The following CENPQ variants were observed in gnomAD, a reference collection of about 807,000 sequenced individuals.
CENPQ encodes the protein chromosome 6 open reading frame 139.
CENPQ carries 27 observed loss-of-function variants against 36.6 expected under a neutral mutation model. That is an observed-to-expected ratio of 0.74 (90% CI 0.54 to 1.02). The LOEUF (loss-of-function observed/expected upper bound fraction) is 1.02, where lower values mean the gene tolerates loss of function less well. Ranked by LOEUF, CENPQ falls within the 50% of genes least tolerant of loss-of-function variation. CENPQ has a pLI of 0.00. For synonymous variants in CENPQ, 101 were observed against 101.7 expected, an observed-to-expected ratio of 0.99 and a Z score of 0.04; for missense variants, 306 against 301.8, an observed-to-expected ratio of 1.01 and a Z score of -0.10.
At position 49,492,325 on chromosome 6, in the gene CENPQ, T is replaced by C; in HGVS notation, c.*50T>C. 6.7e-7 allele frequency: 1 copy of C among 1,486,130 alleles called. No homozygotes were observed. The highest frequency in any genetic ancestry group is 1.3e-5 in the South Asian group (1 of 78,006). 92.1% of individuals were successfully genotyped at this position (1,486,130 alleles called of 1,614,324 possible). ...CCATATTAATTTAATGTTCGTGAAT[T>C]TGTAAAACTGTTAACCTATGATTAT... On this transcript the variant is annotated 3_prime_UTR_variant, in exon 9 of 9. Coordinates refer to ENST00000335783, the MANE Select transcript of CENPQ (RefSeq NM_018132.4).
chr6:49,492,475 T>C lies in CENPQ; in HGVS notation c.*200T>C, dbSNP rs1172418648. ...AAGACTGTTTTTAGCAGTTGCCAAA[T>C]CTAGGAAACTAACATTTATATTGCT... On this transcript the variant is annotated 3_prime_UTR_variant, in exon 9 of 9. Transcript: ENST00000335783. 4 of 448,010 alleles carry C rather than the reference T, an allele frequency of 8.9e-6. No homozygotes were observed. The East Asian group carries it at 1.6e-4, about 18-fold the overall frequency. 27.8% of individuals were successfully genotyped at this position (448,010 alleles called of 1,614,324 possible).
intron 5 of CENPQ, 77 bp downstream of exon 5, chr6:49,472,935 C>A: frequency 9.6e-7 from 1 of 1,046,178 alleles, no homozygotes. Flanking sequence ...GCCAAATAGA[C>A]ACTTGTGGAA....
At chr6:49,470,622 CAAA>C (rs1199878940) in intron 2 of CENPQ, among the ~76,000 whole-genome samples, 42 of 66,370 alleles carry the variant, frequency 6.3e-4, no homozygotes, top group Non-Finnish European at 1.4e-4. Flanking sequence ...GACTCCGTCT[CAAA>C]AAAAAAAAAA....
intron 5 of CENPQ, among the ~76,000 whole-genome samples, chr6:49,480,700 AG>A (rs1768405885): frequency 6.6e-6 from 1 of 152,112 alleles, no homozygotes; most frequent in South Asian, 2.1e-4. Flanking sequence ...CAAATGTGTA[AG>A]ATAGAAAATT....
At chr6:49,469,583 A>G (rs1472896430) in intron 1 of CENPQ, among the ~76,000 whole-genome samples, 1 of 152,072 alleles carries the variant, frequency 6.6e-6, no homozygotes, top group African/African-American at 2.4e-5. Flanking sequence ...ACATTTCTGT[A>G]CTCTTGTTAA....
intron 5 of CENPQ, among the ~76,000 whole-genome samples, chr6:49,479,174 G>A (rs1768370725): frequency 6.6e-6 from 1 of 152,054 alleles, no homozygotes; most frequent in African/African-American, 2.4e-5. Flanking sequence ...GATTTGTGGG[G>A]TTTTTGCTGC....
intron 1 of CENPQ, among the ~76,000 whole-genome samples, chr6:49,466,576 C>T (rs1218780495): frequency 6.6e-6 from 1 of 152,190 alleles, no homozygotes. Flanking sequence ...TCATATCTGT[C>T]TCTACCTGTG....
chr6:49,480,637 A>G (rs1334793394), intron 5 of CENPQ, among the ~76,000 whole-genome samples: 1 of 152,230 alleles, frequency 6.6e-6, no homozygotes, highest in Non-Finnish European at 1.5e-5. Flanking sequence ...AATAGTCTAG[A>G]AAACATCTGG....
chr6:49,463,802 A>G (rs1767926995), intron 1 of CENPQ, among the ~76,000 whole-genome samples: 1 of 152,152 alleles, frequency 6.6e-6, no homozygotes, highest in Admixed American at 6.5e-5. Context: ...TTGTGCCCAC[A>G]TAGAGGTCTA....
At chr6:49,482,834 C>T (rs1414444409) in intron 6 of CENPQ, among the ~76,000 whole-genome samples, 7 of 152,128 alleles carry the variant, frequency 4.6e-5, no homozygotes, top group Admixed American at 2.6e-4. Context: ...GCAGCGTTTC[C>T]GGAGTTTGTT....
At chr6:49,482,634 T>C (rs1338252519) in intron 6 of CENPQ, among the ~76,000 whole-genome samples, 2 of 144,102 alleles carry the variant, frequency 1.4e-5, no homozygotes, top group Non-Finnish European at 3.0e-5. Context: ...ATTTACTCAG[T>C]GATAGGCAAT....
chr6:49,491,214 CTGTT>C lies in CENPQ; in HGVS notation c.676-927_676-924del, dbSNP rs139024455. 2.8e-3 allele frequency among the ~76,000 whole-genome samples: 429 copies of C among 152,294 alleles called. 1 individual carries two copies. Among genetic ancestry groups the C allele is most frequent in the African/African-American group, 0.01 (418 of 41,562 alleles). On this transcript the variant is annotated intron_variant, in intron 8 of 8. Coordinates refer to ENST00000335783, the MANE Select transcript of CENPQ (RefSeq NM_018132.4). The stretch of plus-strand genomic sequence containing the variant: ...TTAAACAAATGGAACCTGATATAAA[CTGTT>C]TGGCAAATTACTTTTCTCATTCGAC...
chr6:49,491,316 A>G (rs752045655), intron 8 of CENPQ, among the ~76,000 whole-genome samples: 3 of 152,196 alleles, frequency 2.0e-5, no homozygotes, highest in Non-Finnish European at 4.4e-5. Context: ...ATTCTGTTGT[A>G]TGGAGGTCAT....
intron 5 of CENPQ, among the ~76,000 whole-genome samples, chr6:49,478,147 A>G (rs978770288): frequency 6.6e-6 from 1 of 152,204 alleles, no homozygotes; most frequent in African/African-American, 2.4e-5. Context: ...TACTTCTACC[A>G]ATACAACAAA....
chr6:49,491,509 A>G (rs1768721558), intron 8 of CENPQ, among the ~76,000 whole-genome samples: 1 of 152,204 alleles, frequency 6.6e-6, no homozygotes, highest in Non-Finnish European at 1.5e-5. Flanking sequence ...TCCTTATAAA[A>G]TAGTACTGTC....
At chr6:49,471,467 C>T (rs1166856973) in intron 3 of CENPQ, among the ~76,000 whole-genome samples, 1 of 152,130 alleles carries the variant, frequency 6.6e-6, no homozygotes, top group Non-Finnish European at 1.5e-5. Flanking sequence ...GGATTCTCTA[C>T]GTCTCCTCAG....
intron 6 of CENPQ, among the ~76,000 whole-genome samples, chr6:49,483,998 T>C (rs1768520190): frequency 6.6e-6 from 1 of 152,270 alleles, no homozygotes; most frequent in South Asian, 2.1e-4. Context: ...TCCTATTTTT[T>C]CATCAGATTT....
intron 4 of CENPQ, 142 bp downstream of exon 4, chr6:49,472,325 G>A: frequency 1.5e-6 from 1 of 654,978 alleles, no homozygotes; most frequent in Non-Finnish European, 2.2e-6. Flanking sequence ...TAATGTGACG[G>A]TATTTGCCTT....
At chr6:49,485,328 GT>G (rs1768549937) in intron 6 of CENPQ, among the ~76,000 whole-genome samples, 1 of 152,140 alleles carries the variant, frequency 6.6e-6, no homozygotes, top group Admixed American at 6.5e-5. Flanking sequence ...AACAACAATG[GT>G]GAACACCATC....
Sources: allele counts gnomAD v4.1 joint callset (sites outside exome capture counted in the v4.1 genomes callset), GRCh38; gene constraint gnomAD v4.1.1; transcripts MANE v1.5; gene names NCBI Gene and HGNC (gene_info 2026-07-23, HGNC 2026-07-21).